XPOT: variants seen among roughly 807,000 people sequenced by gnomAD.
XPOT encodes exportin for tRNA.
Under a neutral mutation model 128.2 loss-of-function variants are expected in XPOT, and 34 were observed. That is an observed-to-expected ratio of 0.27 (90% CI 0.20 to 0.35). The LOEUF (loss-of-function observed/expected upper bound fraction) is 0.35, where lower values mean the gene tolerates loss of function less well. Among genes scored for constraint, XPOT ranks in the 10% least tolerant of loss-of-function variants. XPOT has a pLI of 1.00. For synonymous variants in XPOT, 348 were observed against 394.3 expected (o/e 0.88, Z 1.39); for missense variants, 838 against 1,125.3 (o/e 0.74, Z 3.65).
At position 64,450,356 on chromosome 12, in the gene XPOT, C is replaced by G. The variant is rs771041167; in HGVS notation, c.*2225C>G. 1 of 152,028 alleles carries G rather than the reference C, an allele frequency of 6.6e-6. No homozygotes were observed. The highest frequency in any genetic ancestry group is 1.5e-5 in the Non-Finnish European group (1 of 68,110). The allele number at this position is 152,028 out of a possible 1,614,324, so 9.4% of individuals were successfully genotyped here. ...TAGAGACAGGGTCTCACTATGTTAC[C>G]CAGTCTGGTCTCAAACTCCCGGCCT... On this transcript the variant is annotated 3_prime_UTR_variant, in exon 25 of 25. Transcript: ENST00000332707.
chr12:64,407,146 T>C (rs527724682), intron 1 of XPOT, among the ~76,000 whole-genome samples: 1 of 152,306 alleles, frequency 6.6e-6, no homozygotes, highest in Admixed American at 6.5e-5. Context: ...TGCTCTACTA[T>C]GTCCTAGGGA....
intron 2 of XPOT, among the ~76,000 whole-genome samples, chr12:64,412,003 T>G (rs2136012009): frequency 1.4e-5 from 2 of 145,830 alleles, no homozygotes; most frequent in East Asian, 2.1e-4. Flanking sequence ...CTCCTCTCCT[T>G]CCTCTCACCC....
intron 22 of XPOT, 29 bp from the exon 23 acceptor site, chr12:64,439,215 A>G (rs757828099): frequency 2.5e-6 from 4 of 1,601,664 alleles, no homozygotes; most frequent in East Asian, 2.2e-5. Context: ...CAAGCAAGAA[A>G]ATAGTTGTAA....
chr12:64,423,390 T>A, intron 11 of XPOT, 146 bp downstream of exon 11: 3 of 560,970 alleles, frequency 5.3e-6, no homozygotes, highest in Non-Finnish European at 9.2e-6. Flanking sequence ...CAACCTTGGG[T>A]GAAATTAATA....
chr12:64,437,072 G>A (rs951153654), intron 22 of XPOT, among the ~76,000 whole-genome samples: 1 of 152,172 alleles, frequency 6.6e-6, no homozygotes, highest in Non-Finnish European at 1.5e-5. Context: ...CTTTTGCTCA[G>A]TGGTCTCCAT....
At position 64,431,455 on chromosome 12, in the gene XPOT, TTTG is replaced by T. The variant is rs1195060195; in HGVS notation, c.1977-78_1977-76del. The T allele has an allele frequency of 2.9e-6, 4 of 1,380,746 alleles. No individual in the cohort carries two copies. In the Admixed American group the frequency reaches 6.6e-5, roughly 23 times the overall value. The allele number at this position is 1,380,746 out of a possible 1,614,324, so 85.5% of individuals were successfully genotyped here. A position where few individuals can be genotyped will look rare whatever the true frequency, so the allele number is the denominator to read the frequency against. On this transcript the variant is annotated intron_variant, in intron 17 of 24. Coordinates refer to ENST00000332707, the MANE Select transcript of XPOT (RefSeq NM_007235.6). The stretch of plus-strand genomic sequence containing the variant: ...TTATTTAGTTTTGTTAATTTTGTAA[TTTG>T]TTGTGCATTGCTTTTGAATACTCCA...
In XPOT at chr12:64,435,692, T is replaced by C. The variant is rs1205725256; in HGVS notation, c.2733+18T>C. ...TCAAACGGGTAAGCCTTTTAGTCCA[T>C]GCCCCTTCATTTTCATCTCACATGT... On this transcript the variant is annotated intron_variant, in intron 22 of 24. Coordinates refer to ENST00000332707, the MANE Select transcript of XPOT (RefSeq NM_007235.6). The C allele has an allele frequency of 6.3e-7, 1 of 1,591,424 alleles. No individual in the cohort carries two copies. The highest frequency in any genetic ancestry group is 1.3e-5 in the African/African-American group (1 of 74,266).
At chr12:64,421,112 A>T in intron 8 of XPOT, 123 bp from the exon 9 acceptor site, 2 of 799,640 alleles carry the variant, frequency 2.5e-6, no homozygotes, top group Non-Finnish European at 4.2e-6. Flanking sequence ...TGGAATTGTT[A>T]AATATATGAC....
At chr12:64,425,530 C>A in intron 14 of XPOT, 73 bp downstream of exon 14, 1 of 1,540,324 alleles carries the variant, frequency 6.5e-7, no homozygotes, top group South Asian at 1.2e-5. Context: ...TTGTATTTTT[C>A]TGTCTATAAC....
At position 64,431,734 on chromosome 12, in the gene XPOT, T is replaced by A; in HGVS notation, c.2173T>A (p.Ser725Thr). The A allele has an allele frequency of 3.1e-6, 5 of 1,614,144 alleles. No individual in the cohort carries two copies. The highest frequency in any genetic ancestry group is 4.2e-6 in the Non-Finnish European group (5 of 1,179,998). ...GGAAGAAGTTCTTCCGTTCATTCCA[T>A]CTGCTTCAGAACATATGCTCAAAGA... ...LEEEVLPFIP[S>T]ASEHMLKDCE... The change falls in exon 18 of 25, where the codon TCT (serine) becomes ACT (threonine). Residue 725 changes from serine (S) to threonine (T), a missense_variant. Physicochemically the swap from Ser to Thr is moderately conservative, Grantham distance 58. Around this residue, in one of 3 missense-constraint regions of XPOT, gnomAD observed 761 missense variants for 988.3 expected, o/e 0.77. Transcript: ENST00000332707.
At chr12:64,436,118 G>A (rs2040280140) in intron 22 of XPOT, among the ~76,000 whole-genome samples, 1 of 151,906 alleles carries the variant, frequency 6.6e-6, no homozygotes, top group South Asian at 2.1e-4. Context: ...CACCATGCCC[G>A]GCTGATTTTT....
Position 64,431,822 on chromosome 12 carries a change from A to G in XPOT, c.2261A>G (p.Lys754Arg). 1 of 1,609,190 alleles carries G rather than the reference A, an allele frequency of 6.2e-7. No homozygotes were observed. Among genetic ancestry groups the G allele is most frequent in the Non-Finnish European group, 8.5e-7 (1 of 1,176,906 alleles). ...ATCAACCAGATTACGGCCAAATTCA[A>G]GGTACCGCAAACTTTCAGAGCTCTG... ...PLINQITAKF[K>R]IQVSPFLQQM... The change falls in exon 18 of 25, where the codon AAG becomes AGG. Residue 754 changes from lysine to arginine, a missense_variant and splice_region_variant. Physicochemically the swap from Lys to Arg is conservative, Grantham distance 26. This residue lies in a region of XPOT where 761 missense variants were observed against 988.3 expected (regional missense o/e 0.77). Transcript: ENST00000332707.
At chr12:64,418,811 C>T in intron 5 of XPOT, 65 bp from the exon 6 acceptor site, 1 of 1,481,590 alleles carries the variant, frequency 6.7e-7, no homozygotes, top group Non-Finnish European at 9.3e-7. Context: ...TTTAATAAGA[C>T]AACTGGTGTT....
At chr12:64,406,957 G>C (rs1459811211) in intron 1 of XPOT, among the ~76,000 whole-genome samples, 1 of 152,050 alleles carries the variant, frequency 6.6e-6, no homozygotes, top group East Asian at 1.9e-4. Flanking sequence ...GGCTCACTAT[G>C]TGCCAGCCAT....
rs1414811809 is a variant in XPOT, at chr12:64,445,122, T to A, written c.2853T>A (p.Asn951Lys). The A allele has an allele frequency of 1.2e-5, 19 of 1,610,338 alleles. No homozygotes were observed. The highest frequency in any genetic ancestry group is 1.4e-5 in the Non-Finnish European group (17 of 1,178,358). ...LQQPDAKVFK[N>K]YLKVFFQRAK... ...AGCCTGATGCTAAAGTTTTTAAAAA[T>A]TACTTAAAGGTAGGTATTTGTGAAG... Residue 951 changes from asparagine (N) to lysine (K), a missense_variant, in exon 24 of 25, where the codon AAT (asparagine) becomes AAA (lysine). Transcript: ENST00000332707.
chr12:64,424,471 AC>A (rs2040171441), intron 11 of XPOT, 127 bp from the exon 12 acceptor site: 1 of 786,574 alleles, frequency 1.3e-6, no homozygotes, highest in African/African-American at 1.8e-5. Flanking sequence ...TTATTATTAT[AC>A]TTTAAGTTTT....
At chr12:64,444,411 T>C (rs1370187313) in intron 23 of XPOT, among the ~76,000 whole-genome samples, 1 of 152,226 alleles carries the variant, frequency 6.6e-6, no homozygotes, top group Non-Finnish European at 1.5e-5. Context: ...CAACCTTAAA[T>C]TCCTTTGACA....
chr12:64,404,503 G>A lies in XPOT; in HGVS notation c.-376G>A, dbSNP rs949205673. On this transcript the variant is annotated 5_prime_UTR_variant, in exon 1 of 25. Transcript: ENST00000332707. Reference sequence around the variant, plus strand: ...GGCTGCGGCGGCGGCGGCGGCGTTAGCCGGCCCTCGCGCTCTTTCCCTTCC... The same window carrying A: ...GGCTGCGGCGGCGGCGGCGGCGTTAACCGGCCCTCGCGCTCTTTCCCTTCC... 26 of 158,616 alleles carry A rather than the reference G, an allele frequency of 1.6e-4. No homozygotes were observed. The highest frequency in any genetic ancestry group is 5.8e-4 in the African/African-American group (24 of 41,562). 9.8% of individuals were successfully genotyped at this position (158,616 alleles called of 1,614,324 possible). A position where few individuals can be genotyped will look rare whatever the true frequency, so the allele number is the denominator to read the frequency against.
At chr12:64,428,190 T>A in intron 16 of XPOT, 70 bp downstream of exon 16, 1 of 1,069,280 alleles carries the variant, frequency 9.4e-7, no homozygotes, top group Non-Finnish European at 1.4e-6. Flanking sequence ...TAGCCTTGCC[T>A]TTGTTGGCAT....
Sources: gnomAD v4.1 joint callset for allele counts (sites outside exome capture counted in the v4.1 genomes callset) on GRCh38, gnomAD v4.1.1 for gene constraint, gnomAD v4.1.1 regional missense constraint, MANE v1.5 for transcripts, NCBI Gene and HGNC (gene_info 2026-07-23, HGNC 2026-07-21) for gene names.